The following RYR2 variants were observed in gnomAD, a reference collection of about 807,000 sequenced individuals.
RYR2 encodes ryanodine receptor 2, also known as cardiac muscle ryanodine receptor-calcium release channel.
In RYR2, 227 loss-of-function variants were observed where a neutral mutation model predicts 601.1. The observed-to-expected ratio is 0.38, with a 90% CI of 0.34 to 0.42. The LOEUF (loss-of-function observed/expected upper bound fraction) is 0.42, where lower values mean the gene tolerates loss of function less well. RYR2 is among the 10% of genes least tolerant of loss of function. The probability of loss-of-function intolerance (pLI) is 1.00; values close to 1 mark genes in which losing one functional copy is unlikely to be tolerated. For missense variants in RYR2, 4,646 were observed against 6,156.5 expected (o/e 0.75, Z 8.21); for synonymous variants, 2,223 against 2,175.1 (o/e 1.02, Z -0.61).
intron 1 of RYR2, among the ~76,000 whole-genome samples, chr1:237,241,017 A>G (rs1253103834): frequency 6.6e-6 from 1 of 152,234 alleles, no homozygotes; most frequent in African/African-American, 2.4e-5. Context: ...TGGTACATGT[A>G]TATGCCAAAC....
chr1:237,131,314 T>C (rs1159862462), intron 1 of RYR2, among the ~76,000 whole-genome samples: 1 of 152,006 alleles, frequency 6.6e-6, no homozygotes, highest in South Asian at 2.1e-4. Flanking sequence ...GGCATGTACA[T>C]TTCTGGTTGT....
At chr1:237,062,342 G>A (rs1007084507) in intron 1 of RYR2, among the ~76,000 whole-genome samples, 2 of 152,052 alleles carry the variant, frequency 1.3e-5, no homozygotes, top group African/African-American at 4.8e-5. Flanking sequence ...ACATCTTTTC[G>A]ATATTAAGAC....
chr1:237,542,579 G>T (rs1669417297), intron 25 of RYR2, among the ~76,000 whole-genome samples: 1 of 152,124 alleles, frequency 6.6e-6, no homozygotes, highest in Admixed American at 6.5e-5. Context: ...TTTACAGGAT[G>T]TTTGTGTTCT....
chr1:237,707,092 C>G lies in RYR2; in HGVS notation c.9724C>G (p.Leu3242Val). 6.2e-7 allele frequency: 1 copy of G among 1,613,970 alleles called. No homozygotes were observed. Among genetic ancestry groups the G allele is most frequent in the Non-Finnish European group, 8.5e-7 (1 of 1,179,886 alleles). The change falls in exon 68 of 105, where the codon CTT becomes GTT. Residue 3242 changes from leucine (L) to valine (V), a missense_variant. This residue lies in a region of RYR2 where 1,497 missense variants were observed against 1,842.6 expected (regional missense o/e 0.81). Transcript: ENST00000366574. ...PHVMEVILPM[L>V]CSYMSRWWEH... ...TGTCATGGAAGTCATACTGCCCATG[C>G]TTTGCAGCTACATGTCTCGTTGGTG... is the stretch of plus-strand genomic sequence containing the variant.
rs1379560862 is a variant in RYR2 at position 237,708,948 on chromosome 1, C to T, written c.9992C>T (p.Ala3331Val). 1 of 1,613,432 alleles carries T rather than the reference C, an allele frequency of 6.2e-7. No individual in the cohort carries two copies. Among genetic ancestry groups the T allele is most frequent in the Non-Finnish European group, 8.5e-7 (1 of 1,179,540 alleles). Residue 3331 changes from alanine (A) to valine (V), a missense_variant, in exon 69 of 105, where the codon GCT becomes GTT. Ala to Val is a moderately conservative substitution (Grantham distance 64). Around this residue, in one of 17 missense-constraint regions of RYR2, gnomAD observed 1,497 missense variants for 1,842.6 expected, o/e 0.81. Transcript: ENST00000366574. The stretch of plus-strand genomic sequence containing the variant: ...ATGGAGAAACTCAAGAAAAAGGCAG[C>T]TACGGTGGTGTCTGAGGAAGACCAC... The part of the protein sequence containing the change: ...PLMEKLKKKA[A>V]TVVSEEDHLK...
At chr1:237,523,692 A>G (rs2805436) in intron 24 of RYR2, among the ~76,000 whole-genome samples, 75,158 of 150,970 alleles carry the variant, frequency 0.5, 18,908 homozygotes, top group East Asian at 0.58. Context: ...AGCCGAGATT[A>G]TGCCACTGTC....
intron 17 of RYR2, among the ~76,000 whole-genome samples, chr1:237,472,867 G>A (rs1467263014): frequency 6.6e-6 from 1 of 152,078 alleles, no homozygotes; most frequent in African/African-American, 2.4e-5. Flanking sequence ...AAAACACTGG[G>A]TTCTCTAGGA....
intron 48 of RYR2, among the ~76,000 whole-genome samples, chr1:237,643,887 T>C (rs1681848018): frequency 6.6e-6 from 1 of 152,168 alleles, no homozygotes; most frequent in Non-Finnish European, 1.5e-5. Context: ...GTGCTGGGAT[T>C]ACAGGTGTGA....
Position 237,079,770 on chromosome 1 carries a change from A to G in RYR2, c.48+37201A>G, listed in dbSNP as rs890246656. On this transcript the variant is annotated intron_variant, in intron 1 of 104. Coordinates refer to ENST00000366574, the MANE Select transcript of RYR2 (RefSeq NM_001035.3). ...CAATGCCTTTCTTCACAGAATTGGA[A>G]AAAACTACTTTAAAGTTCACATGGA... Among the ~76,000 whole-genome samples, 108 of 142,848 alleles carry G rather than the reference A, an allele frequency of 7.6e-4. 1 individual carries two copies. Among genetic ancestry groups the G allele is most frequent in the Non-Finnish European group, 1.2e-3 (81 of 67,954 alleles). The allele number at this position is 142,848 out of a possible 152,430, so 93.7% of individuals were successfully genotyped here. A position where few individuals can be genotyped will look rare whatever the true frequency, so the allele number is the denominator to read the frequency against.
chr1:237,092,408 T>G (rs1424421862), intron 1 of RYR2, among the ~76,000 whole-genome samples: 1 of 152,234 alleles, frequency 6.6e-6, no homozygotes, highest in Admixed American at 6.5e-5. Flanking sequence ...TATGTGACTG[T>G]CTGTGCTATT....
intron 1 of RYR2, among the ~76,000 whole-genome samples, chr1:237,086,054 C>T (rs2148429311): frequency 6.6e-6 from 1 of 152,374 alleles, no homozygotes; most frequent in Non-Finnish European, 1.5e-5. Flanking sequence ...TGCACCCAGC[C>T]TGCTTCTGAC....
chr1:237,107,790 A>G (rs1229117011), intron 1 of RYR2, among the ~76,000 whole-genome samples: 3 of 152,174 alleles, frequency 2.0e-5, no homozygotes, highest in African/African-American at 7.2e-5. Flanking sequence ...GGTGTCCTGC[A>G]GCCTTAGTTC....
intron 10 of RYR2, among the ~76,000 whole-genome samples, chr1:237,406,094 C>T (rs947792783): frequency 6.6e-6 from 1 of 151,134 alleles, no homozygotes; most frequent in African/African-American, 2.4e-5. Context: ...AAATATCTCC[C>T]TCATGAAAAC....
intron 10 of RYR2, among the ~76,000 whole-genome samples, chr1:237,416,190 G>A (rs540893356): frequency 2.0e-4 from 31 of 152,268 alleles, no homozygotes; most frequent in African/African-American, 7.0e-4. Context: ...GGGTCTGGAA[G>A]CAAGATTGGA....
At chr1:237,105,802 T>C (rs1231199374) in intron 1 of RYR2, among the ~76,000 whole-genome samples, 1 of 127,752 alleles carries the variant, frequency 7.8e-6, no homozygotes, top group Non-Finnish European at 1.5e-5. Context: ...GCCACTGCAC[T>C]CCAGCCTGGG....
chr1:237,202,262 G>A (rs1037018990), intron 1 of RYR2, among the ~76,000 whole-genome samples: 22 of 152,200 alleles, frequency 1.4e-4, no homozygotes, highest in Admixed American at 1.4e-3. Flanking sequence ...CCATTTCTTT[G>A]TCATTCATTT....
At chr1:237,290,904 T>A (rs1184354308) in intron 2 of RYR2, among the ~76,000 whole-genome samples, 3 of 152,200 alleles carry the variant, frequency 2.0e-5, no homozygotes, top group Non-Finnish European at 4.4e-5. Context: ...TGAAGATTAT[T>A]AGTTATAAGG....
intron 22 of RYR2, among the ~76,000 whole-genome samples, chr1:237,506,101 A>G (rs895673917): frequency 1.3e-5 from 2 of 151,266 alleles, no homozygotes; most frequent in Admixed American, 6.6e-5. Context: ...TTTAAATTAT[A>G]CATTCCTTGG....
chr1:237,152,648 A>T (rs908029489), intron 1 of RYR2, among the ~76,000 whole-genome samples: 1 of 152,190 alleles, frequency 6.6e-6, no homozygotes, highest in African/African-American at 2.4e-5. Flanking sequence ...CATGAAACAA[A>T]AATTAACTCA....
Sources: gnomAD v4.1 joint callset for allele counts (sites outside exome capture counted in the v4.1 genomes callset) on GRCh38, gnomAD v4.1.1 for gene constraint, gnomAD v4.1.1 regional missense constraint, MANE v1.5 for transcripts, NCBI Gene and HGNC (gene_info 2026-07-23, HGNC 2026-07-21) for gene names.